The following COL22A1 variants were observed in gnomAD, a reference collection of about 807,000 sequenced individuals.
COL22A1 encodes collagen alpha-1(XXII) chain.
In COL22A1, 221 loss-of-function variants were observed where a neutral mutation model predicts 248.9. The ratio of observed to expected loss-of-function variants is 0.89; its 90% confidence interval spans 0.80 to 0.99. The LOEUF (loss-of-function observed/expected upper bound fraction) is 0.99. Ranked by LOEUF, COL22A1 falls within the 50% of genes least tolerant of loss-of-function variation. The pLI, the probability that COL22A1 is intolerant of heterozygous loss-of-function variation, is 0.00. For missense variants in COL22A1, 2,240 were observed against 2,179.0 expected, an observed-to-expected ratio of 1.03 and a Z score of -0.56; for synonymous variants, 891 against 793.4, an observed-to-expected ratio of 1.12 and a Z score of -2.07.
At chr8:138,857,455 T>C (rs754121370) in intron 3 of COL22A1, among the ~76,000 whole-genome samples, 8 of 152,196 alleles carry the variant, frequency 5.3e-5, no homozygotes, top group Non-Finnish European at 1.2e-4. Context: ...GGCCGATCCA[T>C]GCCCAGGCAC....
chr8:138,802,363 C>T (rs1817069123), intron 11 of COL22A1, among the ~76,000 whole-genome samples: 1 of 152,006 alleles, frequency 6.6e-6, no homozygotes, highest in Non-Finnish European at 1.5e-5. Flanking sequence ...CAGATCAGGA[C>T]ACCTGGGAGT....
chr8:138,851,703 G>A (rs1406399864), intron 3 of COL22A1, among the ~76,000 whole-genome samples: 1 of 152,138 alleles, frequency 6.6e-6, no homozygotes, highest in Non-Finnish European at 1.5e-5. Context: ...AGCCCTTGCA[G>A]CCTTTTTGTG....
chr8:138,763,700 A>G (rs935419395), intron 16 of COL22A1, among the ~76,000 whole-genome samples: 1 of 152,168 alleles, frequency 6.6e-6, no homozygotes, highest in African/African-American at 2.4e-5. Context: ...CCTCAGACAC[A>G]GCCACTTTGT....
chr8:138,650,623 T>C (rs1385517355), intron 45 of COL22A1, among the ~76,000 whole-genome samples: 1 of 151,832 alleles, frequency 6.6e-6, no homozygotes, highest in Non-Finnish European at 1.5e-5. Context: ...GTGATCGGAG[T>C]TTAATGGATA....
chr8:138,821,812 G>C (rs1330598769), intron 6 of COL22A1, among the ~76,000 whole-genome samples: 1 of 152,132 alleles, frequency 6.6e-6, no homozygotes, highest in Non-Finnish European at 1.5e-5. Flanking sequence ...ACTAGTTTCA[G>C]TGTCTTTTAA....
intron 3 of COL22A1, among the ~76,000 whole-genome samples, chr8:138,853,989 T>C (rs1447057971): frequency 6.6e-6 from 1 of 152,174 alleles, no homozygotes; most frequent in Non-Finnish European, 1.5e-5. Flanking sequence ...GATCCATCTG[T>C]TGAGCAAGGG....
intron 18 of COL22A1, among the ~76,000 whole-genome samples, chr8:138,757,308 GTGTGTGTGTA>G (rs1274904499): frequency 6.6e-6 from 1 of 151,620 alleles, no homozygotes; most frequent in African/African-American, 2.4e-5. Context: ...GCTATACTAT[GTGTGTGTGTA>G]TGTGTGTGTG....
chr8:138,645,540 C>T (rs1822127526), intron 47 of COL22A1, among the ~76,000 whole-genome samples: 2 of 152,194 alleles, frequency 1.3e-5, no homozygotes, highest in Non-Finnish European at 2.9e-5. Context: ...ACAACAGCCA[C>T]ACTTTGTCAT....
At chr8:138,718,578 T>C (rs1302547626) in intron 27 of COL22A1, among the ~76,000 whole-genome samples, 1 of 152,216 alleles carries the variant, frequency 6.6e-6, no homozygotes, top group Non-Finnish European at 1.5e-5. Flanking sequence ...AAGTGGACTT[T>C]CACAAATCTG....
At chr8:138,715,831 A>C in intron 29 of COL22A1, 96 bp from the exon 30 acceptor site, 1 of 868,086 alleles carries the variant, frequency 1.2e-6, no homozygotes, top group Non-Finnish European at 1.9e-6. Context: ...GGAAAAACAT[A>C]CATGTATATA....
chr8:138,692,143 TGTG>T (rs1349447315), intron 35 of COL22A1, among the ~76,000 whole-genome samples: 4 of 143,594 alleles, frequency 2.8e-5, no homozygotes, highest in African/African-American at 7.6e-5. Context: ...TGTGCATGTT[TGTG>T]GTGGTATGTG....
chr8:138,820,355 G>A (rs1240094224), intron 7 of COL22A1, among the ~76,000 whole-genome samples: 1 of 152,158 alleles, frequency 6.6e-6, no homozygotes, highest in East Asian at 1.9e-4. Flanking sequence ...GATGGAACAT[G>A]TGGATCACTG....
chr8:138,812,368 G>A (rs1818313670), intron 8 of COL22A1, among the ~76,000 whole-genome samples: 1 of 152,184 alleles, frequency 6.6e-6, no homozygotes, highest in Non-Finnish European at 1.5e-5. Context: ...GCATTGCGTG[G>A]ATCTCACCCT....
At chr8:138,640,157 T>C (rs1327977434) in intron 47 of COL22A1, among the ~76,000 whole-genome samples, 1 of 152,246 alleles carries the variant, frequency 6.6e-6, no homozygotes, top group Non-Finnish European at 1.5e-5. Flanking sequence ...TTAATGCTAT[T>C]CAATAATAAA....
At chr8:138,607,874 G>C in intron 57 of COL22A1, 62 bp downstream of exon 57, 1 of 1,458,640 alleles carries the variant, frequency 6.9e-7, no homozygotes, top group South Asian at 1.2e-5. Context: ...TCTGTAATGT[G>C]ATCCACAAGC....
At chr8:138,782,181 T>C (rs16909612) in intron 12 of COL22A1, among the ~76,000 whole-genome samples, 1 of 152,220 alleles carries the variant, frequency 6.6e-6, no homozygotes, top group Non-Finnish European at 1.5e-5. Flanking sequence ...CATGGCATGA[T>C]ACAGACATGA....
intron 5 of COL22A1, among the ~76,000 whole-genome samples, chr8:138,827,738 C>T (rs1180342792): frequency 2.0e-5 from 3 of 151,904 alleles, no homozygotes; most frequent in Non-Finnish European, 4.4e-5. Flanking sequence ...AACCAAGATG[C>T]CATCCCTCAG....
chr8:138,597,902 C>T (rs779298860), intron 61 of COL22A1, among the ~76,000 whole-genome samples: 5 of 152,172 alleles, frequency 3.3e-5, no homozygotes, highest in African/African-American at 7.2e-5. Flanking sequence ...GGCTGCCTGG[C>T]GTCTTTCAGG....
intron 41 of COL22A1, among the ~76,000 whole-genome samples, chr8:138,673,779 C>G (rs1195968231): frequency 6.6e-6 from 1 of 152,074 alleles, no homozygotes; most frequent in Non-Finnish European, 1.5e-5. Context: ...CCTCCTGCCA[C>G]GTTCCCTGGG....
Sources: allele counts gnomAD v4.1 joint callset (sites outside exome capture counted in the v4.1 genomes callset), GRCh38; gene constraint gnomAD v4.1.1; transcripts MANE v1.5; gene names NCBI Gene and HGNC (gene_info 2026-07-23, HGNC 2026-07-21).